Variants in SLC35F4 observed in about 807,000 individuals in gnomAD.
SLC35F4 encodes the protein solute carrier family 35 member F4.
SLC35F4 carries 24 observed loss-of-function variants against 44.2 expected under a neutral mutation model. The ratio of observed to expected loss-of-function variants is 0.54; its 90% confidence interval spans 0.39 to 0.76. SLC35F4 has a LOEUF of 0.76. Ranked by LOEUF, SLC35F4 falls within the 30% of genes least tolerant of loss-of-function variation. The probability of loss-of-function intolerance (pLI) is 0.00; values close to 1 mark genes in which losing one functional copy is unlikely to be tolerated. For synonymous variants in SLC35F4, 238 were observed against 223.6 expected, an observed-to-expected ratio of 1.06 and a Z score of -0.57; for missense variants, 562 against 586.1, an observed-to-expected ratio of 0.96 and a Z score of 0.42.
chr14:57,645,879 A>T (rs2073483154), intron 1 of SLC35F4, among the ~76,000 whole-genome samples: 1 of 152,010 alleles, frequency 6.6e-6, no homozygotes, highest in South Asian at 2.1e-4. Flanking sequence ...TATTGAGATA[A>T]TCATGTGGTT....
At chr14:57,904,091 G>A (rs1039235032) in intron 1 of SLC35F4, among the ~76,000 whole-genome samples, 1 of 152,206 alleles carries the variant, frequency 6.6e-6, no homozygotes, top group Admixed American at 6.5e-5. Flanking sequence ...ATATTTAGTA[G>A]TTTAATATTC....
At chr14:57,978,899 C>T (rs749376640) in intron 1 of SLC35F4, among the ~76,000 whole-genome samples, 12 of 152,180 alleles carry the variant, frequency 7.9e-5, no homozygotes, top group Non-Finnish European at 1.3e-4. Flanking sequence ...AAAGGAGATA[C>T]TGTATTGGTG....
chr14:57,679,051 C>T (rs561095068), intron 1 of SLC35F4, among the ~76,000 whole-genome samples: 1 of 152,218 alleles, frequency 6.6e-6, no homozygotes, highest in East Asian at 1.9e-4. Flanking sequence ...CAGAACTCTC[C>T]ATCCCAAATC....
chr14:57,880,100 G>T (rs1649468785), intron 1 of SLC35F4, among the ~76,000 whole-genome samples: 1 of 118,974 alleles, frequency 8.4e-6, no homozygotes, highest in African/African-American at 3.0e-5. Flanking sequence ...AAGGAAGGAA[G>T]GAAGGAAGGA....
chr14:57,627,081 C>T (rs1238965321), intron 1 of SLC35F4, among the ~76,000 whole-genome samples: 1 of 152,040 alleles, frequency 6.6e-6, no homozygotes, highest in Non-Finnish European at 1.5e-5. Context: ...AAGGGCAAGG[C>T]AACATATGAT....
chr14:57,733,276 ATTTTTTCC>A (rs11280278), intron 1 of SLC35F4, among the ~76,000 whole-genome samples: 4,115 of 149,964 alleles, frequency 0.027, 177 homozygotes, highest in African/African-American at 0.09. Context: ...TCGACTATGG[ATTTTTTCC>A]TTTTATCTCT....
In SLC35F4 at chr14:57,581,376, T is replaced by C. The variant is rs370717249; in HGVS notation, c.645A>G (p.Arg215=). 630 of 1,613,180 alleles carry C rather than the reference T, an allele frequency of 3.9e-4. 2 individuals are homozygous for C. The highest frequency in any genetic ancestry group is 5.1e-4 in the Non-Finnish European group (601 of 1,179,646). The change falls in exon 4 of 8, where the codon AGA becomes AGG. Residue 215 remains arginine, a synonymous_variant. Coordinates refer to ENST00000556826, the MANE Select transcript of SLC35F4 (RefSeq NM_001306087.2). Reference sequence around the variant, plus strand: ...TCCATAGAATAGAAAAGGGAGCAGTTCTTTTAAGAAAGAGTTTCAGCGTCA... The same window carrying C: ...TCCATAGAATAGAAAAGGGAGCAGTCCTTTTAAGAAAGAGTTTCAGCGTCA... The part of the protein sequence containing the change: ...DGLTLKLFLK[R]TAPFSILWTL...
intron 1 of SLC35F4, among the ~76,000 whole-genome samples, chr14:57,698,348 C>G (rs1361902055): frequency 1.3e-5 from 2 of 152,180 alleles, no homozygotes; most frequent in African/African-American, 4.8e-5. Flanking sequence ...TGAATTCATA[C>G]AAGTGCAATT....
chr14:57,813,732 G>C (rs960130523), intron 1 of SLC35F4, among the ~76,000 whole-genome samples: 1 of 152,124 alleles, frequency 6.6e-6, no homozygotes, highest in African/African-American at 2.4e-5. Context: ...AGCATCAGTG[G>C]GTTTGACAGA....
At chr14:57,981,091 C>T (rs1244600565) in intron 1 of SLC35F4, among the ~76,000 whole-genome samples, 1 of 152,180 alleles carries the variant, frequency 6.6e-6, no homozygotes, top group Non-Finnish European at 1.5e-5. Flanking sequence ...GAGCTCCCTT[C>T]CCACACTGAA....
chr14:57,783,678 C>T (rs1163475661), intron 1 of SLC35F4, among the ~76,000 whole-genome samples: 1 of 152,164 alleles, frequency 6.6e-6, no homozygotes, highest in Admixed American at 6.5e-5. Context: ...CAGGAAGCAC[C>T]TTGCCAGCAT....
At chr14:57,648,895 G>A (rs1223493337) in intron 1 of SLC35F4, among the ~76,000 whole-genome samples, 3 of 152,130 alleles carry the variant, frequency 2.0e-5, no homozygotes, top group African/African-American at 7.2e-5. Context: ...TTAACTGCGT[G>A]CACTGTATTT....
intron 1 of SLC35F4, among the ~76,000 whole-genome samples, chr14:57,682,172 T>C (rs960023935): frequency 9.9e-5 from 15 of 152,102 alleles, no homozygotes; most frequent in Non-Finnish European, 2.1e-4. Flanking sequence ...TATAAATCAT[T>C]CTACTATAAA....
chr14:57,833,606 A>T (rs151204312), intron 1 of SLC35F4, among the ~76,000 whole-genome samples: 1 of 152,336 alleles, frequency 6.6e-6, no homozygotes, highest in Non-Finnish European at 1.5e-5. Flanking sequence ...TCCTCAATTG[A>T]CAGGCATAAA....
In SLC35F4 at chr14:57,865,870, G is replaced by C. The variant is rs761468831; in HGVS notation, c.-45C>G. 1 of 1,376,220 alleles carries C rather than the reference G, an allele frequency of 7.3e-7. No individual in the cohort carries two copies. The highest frequency in any genetic ancestry group is 2.4e-5 in the Admixed American group (1 of 41,620). 85.3% of individuals were successfully genotyped at this position (1,376,220 alleles called of 1,614,324 possible). A position where few individuals can be genotyped will look rare whatever the true frequency, so the allele number is the denominator to read the frequency against. ...CCCCGAGTGCGGCGGGGCGGAGAGC[G>C]CAGCGCGGGGCCCGGGAGCTGGTGC... On this transcript the variant is annotated 5_prime_UTR_variant, in exon 1 of 8. Transcript: ENST00000556826.
chr14:57,578,325 G>GTTTGTTTTTTTT (rs2068957220), intron 4 of SLC35F4, among the ~76,000 whole-genome samples: 3 of 43,166 alleles, frequency 6.9e-5, no homozygotes, highest in Admixed American at 3.4e-4. Context: ...CCCTTTAACT[G>GTTTGTTTTTTTT]TTTTTTTTTT....
chr14:57,720,303 C>A (rs1045907599), intron 1 of SLC35F4, among the ~76,000 whole-genome samples: 1 of 151,992 alleles, frequency 6.6e-6, no homozygotes, highest in African/African-American at 2.4e-5. Flanking sequence ...CTTTTTTTAA[C>A]GTGCCTTTGT....
At chr14:57,951,542 T>C (rs960960923) in intron 1 of SLC35F4, among the ~76,000 whole-genome samples, 2 of 152,170 alleles carry the variant, frequency 1.3e-5, no homozygotes, top group African/African-American at 4.8e-5. Flanking sequence ...TGGCTTGAAA[T>C]TCTCGCTACC....
intron 2 of SLC35F4, among the ~76,000 whole-genome samples, chr14:57,592,849 T>A (rs1317331779): frequency 6.6e-6 from 1 of 152,182 alleles, no homozygotes; most frequent in African/African-American, 2.4e-5. Context: ...TTTTTATTGT[T>A]GTTGTTGGTT....
Sources: gnomAD v4.1 joint callset for allele counts (sites outside exome capture counted in the v4.1 genomes callset) on GRCh38, gnomAD v4.1.1 for gene constraint, MANE v1.5 for transcripts, NCBI Gene and HGNC (gene_info 2026-07-23, HGNC 2026-07-21) for gene names.